SGIP1: variants seen among roughly 807,000 people sequenced by gnomAD.
SGIP1 encodes the protein SH3-containing GRB2-like protein 3-interacting protein 1.
In SGIP1, 38 loss-of-function variants were observed where a neutral mutation model predicts 107.5. The observed-to-expected ratio is 0.35, with a 90% CI of 0.27 to 0.46. The LOEUF is 0.46. SGIP1 is among the 20% of genes least tolerant of loss of function. The pLI is 1.00. For missense variants in SGIP1, 929 were observed against 1,019.5 expected (o/e 0.91, Z 1.21); for synonymous variants, 365 against 366.1 (o/e 1.00, Z 0.03).
chr1:66,612,863 T>A (rs550641656), intron 1 of SGIP1, among the ~76,000 whole-genome samples: 38 of 152,316 alleles, frequency 2.5e-4, no homozygotes, highest in South Asian at 6.2e-4. Context: ...CATTGGTATA[T>A]TTACATATTG....
intron 7 of SGIP1, among the ~76,000 whole-genome samples, chr1:66,658,237 C>G (rs1014238402): frequency 2.0e-5 from 3 of 152,146 alleles, no homozygotes; most frequent in African/African-American, 7.2e-5. Context: ...AGGATGTAGT[C>G]CCTTTCTTGG....
intron 1 of SGIP1, among the ~76,000 whole-genome samples, chr1:66,592,194 A>G (rs2063759133): frequency 2.0e-5 from 3 of 152,094 alleles, no homozygotes; most frequent in South Asian, 4.2e-4. Context: ...CATATCTCAG[A>G]CTATCACATG....
At chr1:66,704,520 C>T (rs1270748342) in intron 18 of SGIP1, 1 of 152,064 alleles carries the variant, frequency 6.6e-6, no homozygotes, top group Non-Finnish European at 1.5e-5. Context: ...GCATTTCTGC[C>T]AATTTGACAT....
At chr1:66,630,849 A>AGAGAGAG (rs1558133224) in intron 2 of SGIP1, among the ~76,000 whole-genome samples, 1 of 29,278 alleles carries the variant, frequency 3.4e-5, no homozygotes, top group Admixed American at 4.7e-4. Flanking sequence ...GAAAGAAAGA[A>AGAGAGAG]AGAAAGAAAG....
At chr1:66,650,646 G>A (rs944433558) in intron 7 of SGIP1, among the ~76,000 whole-genome samples, 6 of 152,090 alleles carry the variant, frequency 3.9e-5, no homozygotes, top group Admixed American at 1.3e-4. Context: ...AATCCCACAC[G>A]GAGCACTGTC....
rs778380502 is a variant in SGIP1, at chr1:66,750,459, T to C, written c.*7364T>C. Among the ~76,000 whole-genome samples, 9 of 152,166 alleles carry C rather than the reference T, an allele frequency of 5.9e-5. No homozygotes were observed. Among genetic ancestry groups the C allele is most frequent in the Non-Finnish European group, 1.2e-4 (8 of 68,008 alleles). ...AATTAAGGAAAATGCTGTGTGTAAT[T>C]TGATTTGGTGGTAGCCTTTATTTAG... On this transcript the variant is annotated 3_prime_UTR_variant, in exon 25 of 25. Transcript: ENST00000371037.
chr1:66,673,356 G>A lies in SGIP1; in HGVS notation c.636G>A (p.Gln212=). The A allele has an allele frequency of 6.2e-7, 1 of 1,602,166 alleles. No homozygotes were observed. Among genetic ancestry groups the A allele is most frequent in the Non-Finnish European group, 8.5e-7 (1 of 1,177,302 alleles). Residue 212 remains glutamine (Q), a synonymous_variant, in exon 12 of 25, where the codon CAG becomes CAA. Coordinates refer to ENST00000371037, the MANE Select transcript of SGIP1 (RefSeq NM_032291.4). ...GPPLESAFDE[Q]KTEVLLDQPE... ...CACTAGAATCAGCTTTTGATGAACA[G>A]AAGACAGAAGGTAGGAAAAGAAACT...
chr1:66,599,981 G>A (rs2065456196), intron 1 of SGIP1, among the ~76,000 whole-genome samples: 1 of 152,110 alleles, frequency 6.6e-6, no homozygotes, highest in Admixed American at 6.5e-5. Context: ...AGAGGGGCGG[G>A]CAGTATTAAA....
chr1:66,731,132 T>C (rs968437178), intron 20 of SGIP1, among the ~76,000 whole-genome samples: 2 of 152,254 alleles, frequency 1.3e-5, no homozygotes, highest in South Asian at 4.1e-4. Context: ...CAGTTAATAA[T>C]GACATATCTA....
intron 1 of SGIP1, chr1:66,616,119 TGTGA>T (rs2069238676): frequency 6.6e-6 from 1 of 152,380 alleles, no homozygotes; most frequent in East Asian, 1.9e-4. Flanking sequence ...TACTTCTTGT[TGTGA>T]GTGTTTTAAT....
chr1:66,624,785 A>G (rs748248209), intron 1 of SGIP1, among the ~76,000 whole-genome samples: 5 of 152,208 alleles, frequency 3.3e-5, no homozygotes, highest in African/African-American at 4.8e-5. Context: ...GTTTGAATAT[A>G]TAAACATTTA....
intron 1 of SGIP1, among the ~76,000 whole-genome samples, chr1:66,622,780 T>C (rs370044573): frequency 6.6e-6 from 1 of 152,178 alleles, no homozygotes; most frequent in African/African-American, 2.4e-5. Flanking sequence ...GTTTTTGTTT[T>C]GATGTTGGCA....
chr1:66,544,759 C>A (rs2055945311), intron 1 of SGIP1, among the ~76,000 whole-genome samples: 1 of 152,086 alleles, frequency 6.6e-6, no homozygotes, highest in South Asian at 2.1e-4. Context: ...TTTACAAATG[C>A]CCTTAGTGAA....
intron 7 of SGIP1, among the ~76,000 whole-genome samples, chr1:66,647,578 A>T (rs1009532423): frequency 6.6e-6 from 1 of 152,234 alleles, no homozygotes; most frequent in African/African-American, 2.4e-5. Flanking sequence ...AAGTAATCTC[A>T]GATTATTTCA....
At chr1:66,673,905 C>G (rs961336996) in intron 12 of SGIP1, among the ~76,000 whole-genome samples, 1 of 152,154 alleles carries the variant, frequency 6.6e-6, no homozygotes, top group African/African-American at 2.4e-5. Context: ...TGGTGGTTCA[C>G]TCCCTCAATC....
At chr1:66,729,226 T>G in intron 19 of SGIP1, 38 bp from the exon 20 acceptor site, 2 of 1,548,742 alleles carry the variant, frequency 1.3e-6, no homozygotes, top group Non-Finnish European at 1.8e-6. Flanking sequence ...TTGACATGGA[T>G]TTTCTCTCTC....
intron 18 of SGIP1, among the ~76,000 whole-genome samples, chr1:66,710,625 C>G (rs1355878234): frequency 6.6e-6 from 1 of 152,108 alleles, no homozygotes; most frequent in African/African-American, 2.4e-5. Flanking sequence ...GAATGCAGAA[C>G]CCAATAAATT....
chr1:66,701,412 A>C lies in SGIP1; in HGVS notation c.1630+5919A>C, dbSNP rs188780440. Among the ~76,000 whole-genome samples, 20 of 152,334 alleles carry C rather than the reference A, an allele frequency of 1.3e-4. No homozygotes were observed. In the East Asian group the frequency reaches 2.9e-3, roughly 22 times the overall value. On this transcript the variant is annotated intron_variant, in intron 18 of 24. Coordinates refer to ENST00000371037, the MANE Select transcript of SGIP1 (RefSeq NM_032291.4). ...TACCAGGTTGGGGAAACAATACAGA[A>C]ACATTAAAAGCAGTTTTACAAGACT...
chr1:66,689,047 CAAA>C (rs35898963), intron 15 of SGIP1, 98 bp from the exon 16 acceptor site: 74,120 of 1,193,542 alleles, frequency 0.062, 53 homozygotes, highest in East Asian at 0.21. Context: ...ACTGCCAAGG[CAAA>C]AAAAAAAAAA....
Sources: gnomAD v4.1 joint callset for allele counts (sites outside exome capture counted in the v4.1 genomes callset) on GRCh38, gnomAD v4.1.1 for gene constraint, MANE v1.5 for transcripts, NCBI Gene and HGNC (gene_info 2026-07-23, HGNC 2026-07-21) for gene names.